The following HS6ST3 variants were observed in gnomAD, a reference collection of about 807,000 sequenced individuals.
HS6ST3 encodes heparan sulfate 6-O-sulfotransferase 3.
In HS6ST3, 12 loss-of-function variants were observed where a neutral mutation model predicts 36.7. The observed-to-expected ratio is 0.33, with a 90% CI of 0.21 to 0.53. The LOEUF (loss-of-function observed/expected upper bound fraction) is 0.53, where lower values mean the gene tolerates loss of function less well. Ranked by LOEUF, HS6ST3 falls within the 20% of genes least tolerant of loss-of-function variation. HS6ST3 has a pLI of 0.95. For missense variants in HS6ST3, 584 were observed against 640.9 expected, an observed-to-expected ratio of 0.91 and a Z score of 0.96; for synonymous variants, 240 against 257.5, an observed-to-expected ratio of 0.93 and a Z score of 0.65.
intron 1 of HS6ST3, among the ~76,000 whole-genome samples, chr13:96,831,975 A>AAAAAAAAAAAAAAAAAAAAAAAAAAAAC (rs1566464310): frequency 6.7e-6 from 1 of 148,538 alleles, no homozygotes; most frequent in African/African-American, 2.5e-5. Context: ...AAAAAAAAAA[A>AAAAAAAAAAAAAAAAAAAAAAAAAAAAC]AAAAACAGAG....
In HS6ST3 at chr13:96,680,200, G is replaced by A. The variant is rs1301142004; in HGVS notation, c.708-152290G>A. On this transcript the variant is annotated intron_variant, in intron 1 of 1. Coordinates refer to ENST00000376705, the MANE Select transcript of HS6ST3 (RefSeq NM_153456.4). ...CAAACAGGCTGCCACACAGTCCTTG[G>A]CCTCTCAATCATTTTCTGCACTTCC... Among the ~76,000 whole-genome samples, 4 of 151,962 alleles carry A rather than the reference G, an allele frequency of 2.6e-5. No individual in the cohort carries two copies. In the East Asian group the frequency reaches 7.7e-4, roughly 29 times the overall value.
At position 96,487,172 on chromosome 13, in the gene HS6ST3, C is replaced by T. The variant is rs531373292; in HGVS notation, c.708-345318C>T. ...ACAGAAGTATAAAAAGGAGATCTGA[C>T]TCCTTTTGTGTGTTTTTTGGTTCCT... On this transcript the variant is annotated intron_variant, in intron 1 of 1. Transcript: ENST00000376705. Among the ~76,000 whole-genome samples, 3 of 152,096 alleles carry T rather than the reference C, an allele frequency of 2.0e-5. No individual in the cohort carries two copies. In the South Asian group the frequency reaches 6.2e-4, roughly 32 times the overall value.
chr13:96,626,363 C>T (rs911225717), intron 1 of HS6ST3, among the ~76,000 whole-genome samples: 4 of 152,150 alleles, frequency 2.6e-5, no homozygotes, highest in African/African-American at 9.7e-5. Context: ...TCCAGTACTA[C>T]TTATTGAAAA....
chr13:96,524,681 C>G (rs542481750), intron 1 of HS6ST3, among the ~76,000 whole-genome samples: 2 of 152,204 alleles, frequency 1.3e-5, no homozygotes, highest in Admixed American at 6.5e-5. Context: ...TGGGACCTGC[C>G]GAGCCAGGCC....
At chr13:96,581,177 TG>T (rs1348524297) in intron 1 of HS6ST3, among the ~76,000 whole-genome samples, 2 of 152,116 alleles carry the variant, frequency 1.3e-5, no homozygotes, top group Non-Finnish European at 2.9e-5. Flanking sequence ...TTTCTCTTTG[TG>T]TGCCAAATAG....
chr13:96,315,664 A>G (rs985424690), intron 1 of HS6ST3, among the ~76,000 whole-genome samples: 16 of 136,866 alleles, frequency 1.2e-4, no homozygotes, highest in Non-Finnish European at 4.6e-5. Flanking sequence ...TACCCAATAT[A>G]ACAAATAAAA....
intron 1 of HS6ST3, among the ~76,000 whole-genome samples, chr13:96,566,519 G>A (rs1006260234): frequency 1.3e-5 from 2 of 151,988 alleles, no homozygotes; most frequent in Non-Finnish European, 2.9e-5. Flanking sequence ...GCTATTAAAG[G>A]ATATTCTTCA....
intron 1 of HS6ST3, among the ~76,000 whole-genome samples, chr13:96,135,984 A>T (rs1475953880): frequency 1.3e-5 from 2 of 152,144 alleles, no homozygotes. Context: ...CGGTGGGCTC[A>T]GATATTTCTC....
intron 1 of HS6ST3, among the ~76,000 whole-genome samples, chr13:96,202,317 T>C (rs1204445973): frequency 6.6e-6 from 1 of 152,184 alleles, no homozygotes; most frequent in Non-Finnish European, 1.5e-5. Context: ...AGTTGAAATT[T>C]CTGATCAAAG....
intron 1 of HS6ST3, among the ~76,000 whole-genome samples, chr13:96,518,630 C>CTA (rs753930046): frequency 3.7e-4 from 57 of 152,024 alleles, no homozygotes; most frequent in Non-Finnish European, 7.1e-4. Flanking sequence ...GTATTATGTA[C>CTA]TATACATAAT....
chr13:96,239,427 A>G lies in HS6ST3; in HGVS notation c.707+147858A>G, dbSNP rs530652803. The stretch of plus-strand genomic sequence containing the variant: ...AGCAGCAGTTGCCTTATCACATTGC[A>G]CTACTTTATATGAAAGATGCTATCC... On this transcript the variant is annotated intron_variant, in intron 1 of 1. Coordinates refer to ENST00000376705, the MANE Select transcript of HS6ST3 (RefSeq NM_153456.4). Among the ~76,000 whole-genome samples the G allele has an allele frequency of 3.3e-5, 5 of 152,324 alleles. No individual in the cohort carries two copies. The East Asian group carries it at 9.6e-4, about 29-fold the overall frequency.
At chr13:96,700,745 C>G (rs913191353) in intron 1 of HS6ST3, among the ~76,000 whole-genome samples, 2 of 152,074 alleles carry the variant, frequency 1.3e-5, no homozygotes, top group Non-Finnish European at 2.9e-5. Flanking sequence ...AATTTAATTC[C>G]TTCTGGCTCC....
intron 1 of HS6ST3, among the ~76,000 whole-genome samples, chr13:96,649,120 A>G (rs1160989355): frequency 1.3e-5 from 2 of 151,940 alleles, no homozygotes; most frequent in Non-Finnish European, 2.9e-5. Flanking sequence ...CTTTATGGCA[A>G]TTCCATCTAT....
chr13:96,347,827 C>T (rs1352216698), intron 1 of HS6ST3, among the ~76,000 whole-genome samples: 2 of 152,188 alleles, frequency 1.3e-5, no homozygotes, highest in Non-Finnish European at 2.9e-5. Flanking sequence ...CTTCACTCCA[C>T]CCCTTTCACT....
At chr13:96,154,808 A>G (rs1243211637) in intron 1 of HS6ST3, among the ~76,000 whole-genome samples, 2 of 152,128 alleles carry the variant, frequency 1.3e-5, no homozygotes, top group Non-Finnish European at 2.9e-5. Flanking sequence ...GACATTGATT[A>G]CTCACCTAGA....
chr13:96,680,240 A>G (rs189150467), intron 1 of HS6ST3, among the ~76,000 whole-genome samples: 38 of 152,180 alleles, frequency 2.5e-4, no homozygotes, highest in Admixed American at 2.0e-3. Flanking sequence ...GGCATCTAGG[A>G]TCCTAGCCTT....
At chr13:96,659,070 A>T (rs1411332974) in intron 1 of HS6ST3, among the ~76,000 whole-genome samples, 1 of 152,200 alleles carries the variant, frequency 6.6e-6, no homozygotes, top group Non-Finnish European at 1.5e-5. Flanking sequence ...ATGGAGGAAA[A>T]ATATATGTAG....
chr13:96,708,507 T>C (rs1326017137), intron 1 of HS6ST3, among the ~76,000 whole-genome samples: 2 of 152,182 alleles, frequency 1.3e-5, no homozygotes, highest in Non-Finnish European at 2.9e-5. Flanking sequence ...GCTTAGCACA[T>C]CCTACACTTA....
chr13:96,762,296 A>T (rs1876989261), intron 1 of HS6ST3, among the ~76,000 whole-genome samples: 1 of 152,000 alleles, frequency 6.6e-6, no homozygotes, highest in Non-Finnish European at 1.5e-5. Context: ...TGGCCAACAT[A>T]GTGAAACCCC....
Sources: gnomAD v4.1 joint callset for allele counts (sites outside exome capture counted in the v4.1 genomes callset) on GRCh38, gnomAD v4.1.1 for gene constraint, MANE v1.5 for transcripts, NCBI Gene and HGNC (gene_info 2026-07-23, HGNC 2026-07-21) for gene names.